SMIM35: variants seen among roughly 807,000 people sequenced by gnomAD.
The protein encoded by SMIM35 is TMPRSS4 antisense RNA 1 (non-protein coding).
Position 118,029,146 on chromosome 11 carries a change from A to G in SMIM35, c.8-13337T>C, listed in dbSNP as rs937603519. Among the ~76,000 whole-genome samples, 15 of 152,294 alleles carry G rather than the reference A, an allele frequency of 9.8e-5. No individual in the cohort carries two copies. The Middle Eastern group carries it at 0.014, about 138-fold the overall frequency. ...ATAAAACCGAATGCAAAAGAGGGAC[A>G]AAGATTCTGACCTACAATAAAATGT... On this transcript the variant is annotated intron_variant, in intron 1 of 4. Transcript: ENST00000689828.
chr11:118,030,422 A>G (rs1430377192), intron 1 of SMIM35, among the ~76,000 whole-genome samples: 1 of 152,206 alleles, frequency 6.6e-6, no homozygotes, highest in Non-Finnish European at 1.5e-5. Flanking sequence ...GTTCTAAGAG[A>G]AAGAAAGTGA....
At chr11:118,024,329 C>T (rs1456746011) in intron 1 of SMIM35, among the ~76,000 whole-genome samples, 1 of 152,088 alleles carries the variant, frequency 6.6e-6, no homozygotes, top group East Asian at 1.9e-4. Flanking sequence ...TTCAACCGAC[C>T]CTCCGTAAGA....
intron 1 of SMIM35, among the ~76,000 whole-genome samples, chr11:118,026,809 A>T (rs921448412): frequency 8.6e-5 from 13 of 152,000 alleles, no homozygotes; most frequent in Non-Finnish European, 1.3e-4. Context: ...TTCTTTTTTT[A>T]AAAAATAAAA....
intron 1 of SMIM35, among the ~76,000 whole-genome samples, chr11:118,053,883 A>G (rs528519527): frequency 6.6e-6 from 1 of 152,296 alleles, no homozygotes; most frequent in South Asian, 2.1e-4. Flanking sequence ...CACAATCGCA[A>G]ACACTGTAAC....
chr11:118,026,204 A>G (rs1443659665), intron 1 of SMIM35, among the ~76,000 whole-genome samples: 6 of 152,230 alleles, frequency 3.9e-5, no homozygotes, highest in African/African-American at 1.4e-4. Context: ...GCCTTGTAGT[A>G]TAGTTTGAAG....
chr11:118,060,540 A>G (rs991172026), intron 1 of SMIM35, among the ~76,000 whole-genome samples: 1 of 152,112 alleles, frequency 6.6e-6, no homozygotes, highest in Non-Finnish European at 1.5e-5. Flanking sequence ...GGGAAGCCTT[A>G]GTGGTGGAAA....
chr11:118,077,408 A>C, intron 1 of SMIM35: 1 of 1,371,966 alleles, frequency 7.3e-7, no homozygotes, highest in East Asian at 2.7e-5. Context: ...ATTCTGTGAC[A>C]CCTTCTAGGT....
At chr11:118,036,844 AAAG>A (rs1435742252) in intron 1 of SMIM35, among the ~76,000 whole-genome samples, 1 of 152,258 alleles carries the variant, frequency 6.6e-6, no homozygotes, top group Non-Finnish European at 1.5e-5. Flanking sequence ...GAGGGGACCC[AAAG>A]AAGGTAGCCA....
chr11:118,044,790 GT>G lies in SMIM35; in HGVS notation c.8-28982del, dbSNP rs1460137542. Among the ~76,000 whole-genome samples the G allele has an allele frequency of 1.4e-4, 7 of 49,068 alleles. 1 individual carries two copies. The highest frequency in any genetic ancestry group is 1.8e-4 in the Non-Finnish European group (4 of 22,016). 32.2% of individuals were successfully genotyped at this position (49,068 alleles called of 152,430 possible). Reference sequence around the variant, plus strand: ...CCATCTCCAAAAAAAAAAAAAAAAAGTTCATTCTACTAAAAAAAAAACAAAA... The same window carrying G: ...CCATCTCCAAAAAAAAAAAAAAAAAGTCATTCTACTAAAAAAAAAACAAAA... On this transcript the variant is annotated intron_variant, in intron 1 of 4. Coordinates refer to ENST00000689828, the MANE Select transcript of SMIM35 (RefSeq NM_001394165.1).
intron 1 of SMIM35, chr11:118,029,026 T>G (rs1379519074): frequency 5.8e-6 from 2 of 343,828 alleles, no homozygotes; most frequent in South Asian, 2.4e-5. Flanking sequence ...TACAGGAGAA[T>G]AGTCTGTCAT....
chr11:118,059,414 G>C (rs1009176928), intron 1 of SMIM35: 3 of 152,388 alleles, frequency 2.0e-5, no homozygotes, highest in Middle Eastern at 3.4e-3. Flanking sequence ...CCAGCATGGA[G>C]CCCACAGCCC....
At chr11:118,042,946 A>G (rs929332990) in intron 1 of SMIM35, among the ~76,000 whole-genome samples, 1 of 152,262 alleles carries the variant, frequency 6.6e-6, no homozygotes, top group Non-Finnish European at 1.5e-5. Flanking sequence ...ACAAAATCAA[A>G]CACTCTTTCA....
At chr11:118,024,978 A>T (rs573699643) in intron 1 of SMIM35, among the ~76,000 whole-genome samples, 1 of 152,034 alleles carries the variant, frequency 6.6e-6, no homozygotes, top group African/African-American at 2.4e-5. Flanking sequence ...GTCCATATGT[A>T]CCCAGTGTTA....
rs1283959486 is a variant in SMIM35 at position 118,005,968 on chromosome 11, TG to T, written c.*441del. The T allele has an allele frequency of 6.6e-6, 1 of 152,374 alleles. No homozygotes were observed. The highest frequency in any genetic ancestry group is 1.9e-4 in the East Asian group (1 of 5,204). The allele number at this position is 152,374 out of a possible 1,614,324, so 9.4% of individuals were successfully genotyped here. A position where few individuals can be genotyped will look rare whatever the true frequency, so the allele number is the denominator to read the frequency against. On this transcript the variant is annotated 3_prime_UTR_variant, in exon 5 of 5. Transcript: ENST00000689828. ...GAGGCACCGACTGTATGGGCTGTCA[TG>T]GGGATGTGCACAGGGGTCGATGGCG...
intron 1 of SMIM35, among the ~76,000 whole-genome samples, chr11:118,048,281 G>A (rs1374277179): frequency 6.6e-6 from 1 of 152,132 alleles, no homozygotes; most frequent in African/African-American, 2.4e-5. Flanking sequence ...CCGCTGAGGC[G>A]GTCAGATCAC....
rs1167032644 is a variant in SMIM35 at position 118,005,438 on chromosome 11, C to T, written c.*972G>A. 2 of 152,258 alleles carry T rather than the reference C, an allele frequency of 1.3e-5. No homozygotes were observed. Among genetic ancestry groups the T allele is most frequent in the Admixed American group, 1.3e-4 (2 of 15,282 alleles). The allele number at this position is 152,258 out of a possible 1,614,324, so 9.4% of individuals were successfully genotyped here. A position where few individuals can be genotyped will look rare whatever the true frequency, so the allele number is the denominator to read the frequency against. ...CTGGATGCTGGTGGCTTCCAAATGTCCAAACAGGGTTTCTCTCCAGAACTC... is the reference window on the plus strand; with the variant it reads ...CTGGATGCTGGTGGCTTCCAAATGTTCAAACAGGGTTTCTCTCCAGAACTC... On this transcript the variant is annotated 3_prime_UTR_variant, in exon 5 of 5. Coordinates refer to ENST00000689828, the MANE Select transcript of SMIM35 (RefSeq NM_001394165.1).
At chr11:118,019,244 C>G (rs11216689) in intron 1 of SMIM35, among the ~76,000 whole-genome samples, 1 of 152,122 alleles carries the variant, frequency 6.6e-6, no homozygotes, top group African/African-American at 2.4e-5. Flanking sequence ...TTCCTACTTT[C>G]ATAACTAGAA....
intron 1 of SMIM35, among the ~76,000 whole-genome samples, chr11:118,053,452 A>C (rs1185031383): frequency 6.6e-6 from 1 of 152,184 alleles, no homozygotes; most frequent in African/African-American, 2.4e-5. Flanking sequence ...AGAGTGACTG[A>C]AAAGGTCGGA....
At chr11:118,040,268 T>C (rs77101944) in intron 1 of SMIM35, among the ~76,000 whole-genome samples, 2,421 of 152,004 alleles carry the variant, frequency 0.016, 102 homozygotes, top group East Asian at 0.11. Flanking sequence ...GATCTCCAAG[T>C]AAGAAAAACT....
Sources: gnomAD v4.1 joint callset for allele counts (sites outside exome capture counted in the v4.1 genomes callset) on GRCh38, gnomAD v4.1.1 for gene constraint, MANE v1.5 for transcripts, NCBI Gene and HGNC (gene_info 2026-07-23, HGNC 2026-07-21) for gene names.